Variants in PPP1R9A observed in about 807,000 individuals in gnomAD.
PPP1R9A encodes the protein protein phosphatase 1 regulatory subunit 9A.
A neutral mutation model predicts 141.9 loss-of-function variants in PPP1R9A; 59 were observed. That is an observed-to-expected ratio of 0.42 (90% CI 0.34 to 0.52). The LOEUF (loss-of-function observed/expected upper bound fraction) is 0.52, where lower values mean the gene tolerates loss of function less well. PPP1R9A is among the 20% of genes least tolerant of loss of function. The pLI is 0.10. For synonymous variants in PPP1R9A, 500 were observed against 569.7 expected (o/e 0.88, Z 1.74); for missense variants, 1,444 against 1,611.9 (o/e 0.90, Z 1.78).
intron 2 of PPP1R9A, among the ~76,000 whole-genome samples, chr7:95,091,716 C>G (rs553762080): frequency 2.6e-5 from 4 of 151,814 alleles, no homozygotes; most frequent in African/African-American, 9.7e-5. Flanking sequence ...AAGTTTGAAT[C>G]TCTACCCCCT....
At chr7:95,250,921 A>G (rs1053053547) in intron 10 of PPP1R9A, among the ~76,000 whole-genome samples, 8 of 152,060 alleles carry the variant, frequency 5.3e-5, no homozygotes, top group African/African-American at 1.9e-4. Context: ...GATTTTTACT[A>G]GATTTTTTTC....
intron 2 of PPP1R9A, among the ~76,000 whole-genome samples, chr7:94,941,630 G>A (rs1369615346): frequency 6.6e-6 from 1 of 151,282 alleles, no homozygotes; most frequent in Non-Finnish European, 1.5e-5. Flanking sequence ...TTTGGCCTAG[G>A]CTGACCCGTT....
chr7:95,248,174 A>G (rs1307693384), intron 9 of PPP1R9A, among the ~76,000 whole-genome samples: 1 of 66,550 alleles, frequency 1.5e-5, no homozygotes, highest in African/African-American at 5.8e-5. Context: ...TCAAATATAC[A>G]ATTTCAAAGA....
intron 10 of PPP1R9A, 137 bp downstream of exon 10, chr7:95,250,392 T>C (rs1798708344): frequency 1.3e-5 from 9 of 713,906 alleles, no homozygotes; most frequent in South Asian, 2.3e-5. Context: ...AGTTACAGCA[T>C]AAATACACAT....
At chr7:94,938,382 T>G (rs754608646) in intron 2 of PPP1R9A, among the ~76,000 whole-genome samples, 36 of 152,122 alleles carry the variant, frequency 2.4e-4, no homozygotes, top group Non-Finnish European at 2.6e-4. Flanking sequence ...AACTGATAAG[T>G]ACTTCAGAGA....
At chr7:95,102,132 G>T (rs535500265) in intron 2 of PPP1R9A, among the ~76,000 whole-genome samples, 2 of 152,136 alleles carry the variant, frequency 1.3e-5, no homozygotes, top group African/African-American at 2.4e-5. Flanking sequence ...AGATGATTTA[G>T]ATATGAGAAT....
intron 13 of PPP1R9A, among the ~76,000 whole-genome samples, 190 bp downstream of exon 13, chr7:95,268,897 A>G (rs1801711614): frequency 6.6e-6 from 1 of 152,198 alleles, no homozygotes; most frequent in Non-Finnish European, 1.5e-5. Context: ...CTATTCATTC[A>G]GTGAACTAAC....
At chr7:95,173,886 T>C (rs1832527717) in intron 5 of PPP1R9A, among the ~76,000 whole-genome samples, 1 of 152,084 alleles carries the variant, frequency 6.6e-6, no homozygotes, top group Admixed American at 6.6e-5. Context: ...TTGATAAGCA[T>C]ATGGACTGAG....
intron 2 of PPP1R9A, among the ~76,000 whole-genome samples, chr7:95,049,276 T>C (rs754901216): frequency 4.6e-5 from 7 of 152,190 alleles, no homozygotes; most frequent in Non-Finnish European, 8.8e-5. Flanking sequence ...AATTTGTTTA[T>C]TTTGGAGAAG....
At chr7:94,985,326 A>G (rs959846721) in intron 2 of PPP1R9A, among the ~76,000 whole-genome samples, 2 of 152,146 alleles carry the variant, frequency 1.3e-5, no homozygotes, top group African/African-American at 2.4e-5. Flanking sequence ...AGTTCTGTAG[A>G]TGTCTATTAG....
At chr7:94,943,525 A>C in intron 2 of PPP1R9A, among the ~76,000 whole-genome samples, 1 of 152,192 alleles carries the variant, frequency 6.6e-6, no homozygotes, top group East Asian at 1.9e-4. Flanking sequence ...GTCAACTTTG[A>C]TTAGGTCTGT....
intron 7 of PPP1R9A, among the ~76,000 whole-genome samples, chr7:95,220,634 C>T (rs937587061): frequency 6.6e-6 from 1 of 152,060 alleles, no homozygotes; most frequent in Non-Finnish European, 1.5e-5. Flanking sequence ...GTTCAGTGCC[C>T]ACTATATGCC....
chr7:95,111,699 A>G (rs1038026897), intron 3 of PPP1R9A, among the ~76,000 whole-genome samples: 14 of 152,146 alleles, frequency 9.2e-5, no homozygotes, highest in African/African-American at 2.7e-4. Flanking sequence ...GAGCCCAGAA[A>G]GAGCTGGTAT....
At chr7:95,014,459 C>A (rs533203187) in intron 2 of PPP1R9A, among the ~76,000 whole-genome samples, 49 of 151,966 alleles carry the variant, frequency 3.2e-4, no homozygotes, top group African/African-American at 1.0e-3. Flanking sequence ...TTTTTGTTTT[C>A]TTTTCAGTGC....
chr7:94,920,024 A>G (rs745511717), intron 2 of PPP1R9A, among the ~76,000 whole-genome samples: 52 of 152,314 alleles, frequency 3.4e-4, no homozygotes, highest in Middle Eastern at 6.8e-3. Context: ...TATTTGTGCT[A>G]TGATTTCAAA....
At chr7:95,126,837 A>G (rs935219402) in intron 4 of PPP1R9A, among the ~76,000 whole-genome samples, 2 of 152,162 alleles carry the variant, frequency 1.3e-5, no homozygotes, top group Admixed American at 6.5e-5. Context: ...TGGGTGTTAG[A>G]CACCAGAAAA....
chr7:95,218,613 G>T lies in PPP1R9A; in HGVS notation c.1957-7348G>T, dbSNP rs533482241. 4.6e-3 allele frequency among the ~76,000 whole-genome samples: 696 copies of T among 152,246 alleles called. 4 individuals carry two copies. The highest frequency in any genetic ancestry group is 0.016 in the African/African-American group (655 of 41,546). ...ATTGTGTGGGAGTCTAAGTCTCTTT[G>T]TAGATCTCTAAGGACTTGCTTTATG... On this transcript the variant is annotated intron_variant, in intron 7 of 19. Transcript: ENST00000433360.
intron 12 of PPP1R9A, among the ~76,000 whole-genome samples, chr7:95,256,660 C>A (rs897803655): frequency 2.0e-5 from 3 of 151,844 alleles, no homozygotes; most frequent in South Asian, 4.1e-4. Flanking sequence ...CAAAAGAAAT[C>A]AAAAATTTAA....
At chr7:95,141,093 A>G (rs959214095) in intron 4 of PPP1R9A, among the ~76,000 whole-genome samples, 64 of 152,282 alleles carry the variant, frequency 4.2e-4, no homozygotes, top group African/African-American at 1.4e-3. Context: ...CCTATTTTCT[A>G]TGGGTAAAGT....
Sources: allele counts gnomAD v4.1 joint callset (sites outside exome capture counted in the v4.1 genomes callset), GRCh38; gene constraint gnomAD v4.1.1; transcripts MANE v1.5; gene names NCBI Gene and HGNC (gene_info 2026-07-23, HGNC 2026-07-21).